Variants in SAMD5 observed in about 807,000 individuals in gnomAD.
SAMD5 encodes the protein sterile alpha motif domain-containing protein 5.
Under a neutral mutation model 11.3 loss-of-function variants are expected in SAMD5, and 13 were observed. The ratio of observed to expected loss-of-function variants is 1.15; its 90% confidence interval spans 0.75 to 1.83. SAMD5 has a LOEUF of 1.83. SAMD5 is among the 40% of genes most tolerant of loss of function. SAMD5 has a pLI of 0.00. For synonymous variants in SAMD5, 129 were observed against 111.3 expected, an observed-to-expected ratio of 1.16 and a Z score of -1.00; for missense variants, 255 against 239.1, an observed-to-expected ratio of 1.07 and a Z score of -0.44.
intron 1 of SAMD5, among the ~76,000 whole-genome samples, chr6:147,534,753 C>T (rs990452576): frequency 6.6e-5 from 10 of 152,134 alleles, no homozygotes; most frequent in African/African-American, 2.4e-4. Context: ...ATCTCAAGCA[C>T]TGATCTTAGG....
intron 1 of SAMD5, among the ~76,000 whole-genome samples, chr6:147,608,330 C>A (rs923933442): frequency 6.6e-6 from 1 of 152,228 alleles, no homozygotes; most frequent in Admixed American, 6.5e-5. Context: ...TCAGAGAGAT[C>A]TCTGCATTCC....
chr6:147,787,840 C>A, the SAMD5 span, among the ~76,000 whole-genome samples: 1 of 152,188 alleles, frequency 6.6e-6, no homozygotes, highest in East Asian at 1.9e-4. Flanking sequence ...AACATTCTTA[C>A]AGTAAAGGCA....
At chr6:147,687,272 CCTT>C (rs1197750827) in intron 1 of SAMD5, among the ~76,000 whole-genome samples, 57 of 134,816 alleles carry the variant, frequency 4.2e-4, no homozygotes, top group Non-Finnish European at 7.7e-4. Flanking sequence ...TTCCTCTCCT[CCTT>C]CTTTTTTTTT....
intron 1 of SAMD5, among the ~76,000 whole-genome samples, chr6:147,581,669 A>G (rs890098971): frequency 6.6e-6 from 1 of 152,202 alleles, no homozygotes; most frequent in Non-Finnish European, 1.5e-5. Flanking sequence ...TAAAGTATCC[A>G]TTAGGTTGAG....
At chr6:147,743,779 CAA>C in the SAMD5 span, among the ~76,000 whole-genome samples, 1 of 152,182 alleles carries the variant, frequency 6.6e-6, no homozygotes, top group African/African-American at 2.4e-5. Context: ...AGTTGTGACT[CAA>C]AGTCCCCACT....
intron 1 of SAMD5, among the ~76,000 whole-genome samples, chr6:147,528,601 A>G (rs141925628): frequency 6.6e-5 from 10 of 152,348 alleles, no homozygotes; most frequent in African/African-American, 2.2e-4. Flanking sequence ...AGTTCACCCC[A>G]TAAGACTGAC....
intron 1 of SAMD5, among the ~76,000 whole-genome samples, chr6:147,650,146 G>T (rs759606033): frequency 1.3e-5 from 2 of 152,038 alleles, no homozygotes; most frequent in Non-Finnish European, 2.9e-5. Flanking sequence ...CATTTATTAC[G>T]CATTCATTGA....
chr6:147,765,996 T>C, the SAMD5 span, among the ~76,000 whole-genome samples: 1 of 151,586 alleles, frequency 6.6e-6, no homozygotes, highest in East Asian at 1.9e-4. Context: ...AAAAAATATC[T>C]AATATATACA....
chr6:147,676,850 A>G (rs1416394530), intron 1 of SAMD5, among the ~76,000 whole-genome samples: 2 of 146,712 alleles, frequency 1.4e-5, no homozygotes, highest in East Asian at 4.0e-4. Flanking sequence ...GGGGTAGGGG[A>G]GCTAGAAGAT....
chr6:147,800,091 G>C, the SAMD5 span, among the ~76,000 whole-genome samples: 1 of 152,214 alleles, frequency 6.6e-6, no homozygotes, highest in Admixed American at 6.5e-5. Context: ...TCTCCGTCCA[G>C]CTTTGTTCCA....
chr6:147,924,567 G>T, the SAMD5 span, among the ~76,000 whole-genome samples: 4 of 151,804 alleles, frequency 2.6e-5, no homozygotes, highest in Non-Finnish European at 5.9e-5. Context: ...TTATTAACTT[G>T]AACTAGCTTA....
intron 1 of SAMD5, among the ~76,000 whole-genome samples, chr6:147,624,226 T>C (rs2128450572): frequency 6.6e-6 from 1 of 152,280 alleles, no homozygotes; most frequent in South Asian, 2.1e-4. Context: ...CCAGTTAGGC[T>C]TGTAACTAAC....
chr6:147,642,622 C>G (rs548136774), intron 1 of SAMD5, among the ~76,000 whole-genome samples: 1 of 152,274 alleles, frequency 6.6e-6, no homozygotes, highest in East Asian at 1.9e-4. Context: ...GCCATTTAGC[C>G]CAACCCTTTC....
chr6:147,884,900 A>G, the SAMD5 span, among the ~76,000 whole-genome samples: 5 of 152,346 alleles, frequency 3.3e-5, no homozygotes, highest in South Asian at 4.1e-4. Flanking sequence ...AAAGAAATAG[A>G]AATCATGAAC....
downstream of SAMD5, among the ~76,000 whole-genome samples, chr6:147,740,890 T>A (rs1304303954): frequency 6.6e-6 from 1 of 152,242 alleles, no homozygotes; most frequent in African/African-American, 2.4e-5. Flanking sequence ...TCCTCTGTCT[T>A]GTTGTTTCCT....
chr6:147,837,421 C>G, the SAMD5 span, among the ~76,000 whole-genome samples: 7 of 152,164 alleles, frequency 4.6e-5, no homozygotes, highest in South Asian at 4.2e-4. Context: ...CCAAGCTGGA[C>G]AGAAAGTAGC....
chr6:147,729,652 C>T (rs561876489), intron 1 of SAMD5: 33 of 383,246 alleles, frequency 8.6e-5, no homozygotes, highest in African/African-American at 6.5e-4. Context: ...TAGATGGAGC[C>T]GCCAAGGGAG....
chr6:147,848,371 A>G, the SAMD5 span, among the ~76,000 whole-genome samples: 5 of 152,250 alleles, frequency 3.3e-5, no homozygotes, highest in East Asian at 9.7e-4. Flanking sequence ...TGGGTCTCTC[A>G]ATGTTTTGAG....
At chr6:147,530,870 C>G (rs558960202) in intron 1 of SAMD5, among the ~76,000 whole-genome samples, 4 of 152,198 alleles carry the variant, frequency 2.6e-5, no homozygotes, top group Non-Finnish European at 5.9e-5. Context: ...ATGTCTTAAT[C>G]TGTTATTCTG....
Sources: allele counts gnomAD v4.1 joint callset (sites outside exome capture counted in the v4.1 genomes callset), GRCh38; gene constraint gnomAD v4.1.1; transcripts MANE v1.5; gene names NCBI Gene and HGNC (gene_info 2026-07-23, HGNC 2026-07-21).